SSBP2: variants seen among roughly 807,000 people sequenced by gnomAD.
SSBP2 encodes single-stranded DNA-binding protein 2.
A neutral mutation model predicts 61.8 loss-of-function variants in SSBP2; 17 were observed. That is an observed-to-expected ratio of 0.28 (90% CI 0.19 to 0.41). The LOEUF is 0.41. Among genes scored for constraint, SSBP2 ranks in the 10% least tolerant of loss-of-function variants. The pLI is 1.00. For synonymous variants in SSBP2, 139 were observed against 141.3 expected, an observed-to-expected ratio of 0.98 and a Z score of 0.12; for missense variants, 310 against 458.7, an observed-to-expected ratio of 0.68 and a Z score of 2.96.
At chr5:81,651,897 T>C (rs754488904) in intron 1 of SSBP2, among the ~76,000 whole-genome samples, 10 of 152,140 alleles carry the variant, frequency 6.6e-5, no homozygotes, top group Non-Finnish European at 1.0e-4. Context: ...AAAAGGATAA[T>C]ATTTGTAAAA....
chr5:81,645,478 G>GA lies in SSBP2; in HGVS notation c.135+4788dup, dbSNP rs776734914. ...CATAATGCAAAAATTTTAAGAAAGG[G>GA]AAAAAATCTAGAATCTTTATAAAAC... is the stretch of plus-strand genomic sequence containing the variant. On this transcript the variant is annotated intron_variant, in intron 2 of 16. Coordinates refer to ENST00000320672, the MANE Select transcript of SSBP2 (RefSeq NM_012446.5). 8.6e-4 allele frequency among the ~76,000 whole-genome samples: 131 copies of GA among 152,134 alleles called. 1 individual carries two copies. Among genetic ancestry groups the GA allele is most frequent in the Middle Eastern group, 3.4e-3 (1 of 294 alleles).
chr5:81,699,362 A>G (rs562298052), intron 1 of SSBP2, among the ~76,000 whole-genome samples: 2 of 152,250 alleles, frequency 1.3e-5, no homozygotes, highest in Admixed American at 1.3e-4. Context: ...ACTTCTTTCA[A>G]AATTGGAGTC....
Position 81,726,531 on chromosome 5 carries a change from A to C in SSBP2, c.62+24450T>G, listed in dbSNP as rs537514489. Among the ~76,000 whole-genome samples, 116 of 152,340 alleles carry C rather than the reference A, an allele frequency of 7.6e-4. 1 individual carries two copies. Among genetic ancestry groups the C allele is most frequent in the African/African-American group, 2.7e-3 (113 of 41,564 alleles). On this transcript the variant is annotated intron_variant, in intron 1 of 16. Coordinates refer to ENST00000320672, the MANE Select transcript of SSBP2 (RefSeq NM_012446.5). ...ACCAATGCTGCACTATTATACTTAAAACCTGCATACTATTACCAACTGAAG... is the reference window on the plus strand; with the variant it reads ...ACCAATGCTGCACTATTATACTTAACACCTGCATACTATTACCAACTGAAG...
At chr5:81,577,071 T>C (rs1473808071) in intron 4 of SSBP2, among the ~76,000 whole-genome samples, 1 of 152,056 alleles carries the variant, frequency 6.6e-6, no homozygotes, top group Non-Finnish European at 1.5e-5. Context: ...TTAGGTCACA[T>C]TTATGATACA....
At chr5:81,682,118 G>A (rs888117263) in intron 1 of SSBP2, among the ~76,000 whole-genome samples, 9 of 152,110 alleles carry the variant, frequency 5.9e-5, no homozygotes, top group South Asian at 2.1e-4. Context: ...GTGGGCTGGC[G>A]AATTCTCCCA....
chr5:81,448,834 C>T lies in SSBP2; in HGVS notation c.688-9G>A, dbSNP rs781464276. The stretch of plus-strand genomic sequence containing the variant: ...GCTGAGGAGTATGGTATCTGGAACA[C>T]GAATAGGACAAAAAAATTTTTGATT... On this transcript the variant is annotated splice_polypyrimidine_tract_variant and intron_variant, in intron 10 of 16. Coordinates refer to ENST00000320672, the MANE Select transcript of SSBP2 (RefSeq NM_012446.5). The T allele has an allele frequency of 2.8e-5, 45 of 1,610,098 alleles. No individual in the cohort carries two copies. The East Asian group carries it at 3.8e-4, about 14-fold the overall frequency.
chr5:81,483,198 A>T (rs894216584), intron 6 of SSBP2, among the ~76,000 whole-genome samples: 1 of 152,182 alleles, frequency 6.6e-6, no homozygotes, highest in Non-Finnish European at 1.5e-5. Context: ...TTTTAATATG[A>T]GAGTTACCAA....
intron 6 of SSBP2, among the ~76,000 whole-genome samples, chr5:81,474,768 T>C (rs1348570404): frequency 2.0e-5 from 3 of 152,342 alleles, no homozygotes; most frequent in South Asian, 2.1e-4. Flanking sequence ...GATTCTACTT[T>C]GCCCAATTTT....
At chr5:81,553,682 G>T (rs1772380314) in intron 4 of SSBP2, among the ~76,000 whole-genome samples, 1 of 151,964 alleles carries the variant, frequency 6.6e-6, no homozygotes, top group Non-Finnish European at 1.5e-5. Flanking sequence ...CATCATCAGG[G>T]CAGCAGGAAA....
intron 3 of SSBP2, among the ~76,000 whole-genome samples, chr5:81,615,771 T>A (rs1561609609): frequency 1.3e-5 from 2 of 151,918 alleles, no homozygotes; most frequent in Non-Finnish European, 2.9e-5. Context: ...AAGACTTTTA[T>A]AAAAAAAAAT....
intron 10 of SSBP2, among the ~76,000 whole-genome samples, chr5:81,450,658 A>G (rs1361478886): frequency 3.3e-5 from 5 of 152,138 alleles, no homozygotes; most frequent in African/African-American, 1.2e-4. Context: ...AAATTACTCT[A>G]TATTCCAACC....
chr5:81,670,871 C>T (rs1182934663), intron 1 of SSBP2, among the ~76,000 whole-genome samples: 5 of 152,148 alleles, frequency 3.3e-5, no homozygotes, highest in East Asian at 1.9e-4. Context: ...GTGACACATT[C>T]GGTGATGTCT....
chr5:81,660,269 A>G (rs904064090), intron 1 of SSBP2, among the ~76,000 whole-genome samples: 1 of 152,218 alleles, frequency 6.6e-6, no homozygotes, highest in African/African-American at 2.4e-5. Context: ...CAATCTACCC[A>G]TCTGACAAAG....
intron 4 of SSBP2, among the ~76,000 whole-genome samples, chr5:81,523,911 C>T (rs577857386): frequency 1.9e-3 from 286 of 152,058 alleles, no homozygotes; most frequent in South Asian, 2.9e-3. Context: ...ACATTGTCTC[C>T]GCTTTCACAA....
At chr5:81,588,198 C>T (rs1369707528) in intron 4 of SSBP2, among the ~76,000 whole-genome samples, 1 of 151,914 alleles carries the variant, frequency 6.6e-6, no homozygotes, top group African/African-American at 2.4e-5. Flanking sequence ...ACTCCTGGGC[C>T]TCCCAAAGTG....
At chr5:81,744,649 A>AT (rs1455327050) in intron 1 of SSBP2, among the ~76,000 whole-genome samples, 1 of 152,030 alleles carries the variant, frequency 6.6e-6, no homozygotes, top group East Asian at 1.9e-4. Context: ...AGCCTCTACA[A>AT]TTTTTTTTCT....
chr5:81,431,589 TTCTC>T (rs1270924678), intron 15 of SSBP2, among the ~76,000 whole-genome samples: 1 of 152,014 alleles, frequency 6.6e-6, no homozygotes, highest in South Asian at 2.1e-4. Context: ...ACATATCTTC[TTCTC>T]TCTTTTTTTT....
intron 1 of SSBP2, among the ~76,000 whole-genome samples, chr5:81,664,667 G>A (rs1418733721): frequency 6.6e-6 from 1 of 152,164 alleles, no homozygotes; most frequent in Non-Finnish European, 1.5e-5. Flanking sequence ...CAACATGGAA[G>A]TTACTAAACA....
Position 81,748,863 on chromosome 5 carries a change from T to A in SSBP2, c.62+2118A>T, listed in dbSNP as rs182529197. On this transcript the variant is annotated intron_variant, in intron 1 of 16. Coordinates refer to ENST00000320672, the MANE Select transcript of SSBP2 (RefSeq NM_012446.5). ...TTAGAGCTAGAAAGGACCACAGTTATGCAAGTTCCAACATCCTTGTTATTA... is the reference window on the plus strand; with the variant it reads ...TTAGAGCTAGAAAGGACCACAGTTAAGCAAGTTCCAACATCCTTGTTATTA... 1.2e-4 allele frequency among the ~76,000 whole-genome samples: 19 copies of A among 152,162 alleles called. No homozygotes were observed. The East Asian group carries it at 3.7e-3, about 29-fold the overall frequency.
Sources: gnomAD v4.1 joint callset for allele counts (sites outside exome capture counted in the v4.1 genomes callset) on GRCh38, gnomAD v4.1.1 for gene constraint, MANE v1.5 for transcripts, NCBI Gene and HGNC (gene_info 2026-07-23, HGNC 2026-07-21) for gene names.